RBMS3: variants seen among roughly 807,000 people sequenced by gnomAD.
RBMS3 encodes RNA binding motif single stranded interacting protein 3, also known as RNA-binding motif, single-stranded-interacting protein 3.
In RBMS3, 27 loss-of-function variants were observed where a neutral mutation model predicts 66.8. The observed-to-expected ratio is 0.40, with a 90% CI of 0.30 to 0.56. The LOEUF is 0.56. Among genes scored for constraint, RBMS3 ranks in the 20% least tolerant of loss-of-function variants. The pLI is 0.40. For missense variants in RBMS3, 513 were observed against 549.5 expected (o/e 0.93, Z 0.66); for synonymous variants, 188 against 183.0 (o/e 1.03, Z -0.22).
At chr3:29,384,192 C>T (rs1280534477) in intron 1 of RBMS3, among the ~76,000 whole-genome samples, 1 of 151,766 alleles carries the variant, frequency 6.6e-6, no homozygotes, top group Non-Finnish European at 1.5e-5. Flanking sequence ...GAGATGTGCC[C>T]ATAGTCTCAA....
chr3:29,622,497 T>G (rs1462245268), intron 4 of RBMS3, among the ~76,000 whole-genome samples: 1 of 152,222 alleles, frequency 6.6e-6, no homozygotes, highest in Non-Finnish European at 1.5e-5. Flanking sequence ...AGAGACAGCC[T>G]TACATAATAT....
At chr3:29,360,336 T>C (rs1242218919) in intron 1 of RBMS3, among the ~76,000 whole-genome samples, 1 of 152,048 alleles carries the variant, frequency 6.6e-6, no homozygotes, top group African/African-American at 2.4e-5. Context: ...GGTTGTTCAG[T>C]TTCCATGTAG....
chr3:29,719,376 T>C (rs1228756891), intron 4 of RBMS3, among the ~76,000 whole-genome samples: 1 of 152,192 alleles, frequency 6.6e-6, no homozygotes, highest in African/African-American at 2.4e-5. Flanking sequence ...TCAGGTGCCT[T>C]GGCCATAGGT....
At chr3:29,744,442 A>G (rs141247959) in intron 5 of RBMS3, among the ~76,000 whole-genome samples, 6 of 152,298 alleles carry the variant, frequency 3.9e-5, no homozygotes, top group South Asian at 2.1e-4. Flanking sequence ...GTATTAGCTC[A>G]CAAATTGTTT....
intron 4 of RBMS3, among the ~76,000 whole-genome samples, chr3:29,601,568 T>C (rs1420199311): frequency 6.6e-6 from 1 of 151,960 alleles, no homozygotes; most frequent in Non-Finnish European, 1.5e-5. Flanking sequence ...ATTCTAAAAA[T>C]TAAAGGACTT....
chr3:29,379,174 C>T (rs2038641184), intron 1 of RBMS3, among the ~76,000 whole-genome samples: 1 of 152,170 alleles, frequency 6.6e-6, no homozygotes. Context: ...GTGCAAGTCA[C>T]ATTTTATAAG....
chr3:29,380,174 G>T (rs1220087813), intron 1 of RBMS3, among the ~76,000 whole-genome samples: 1 of 150,756 alleles, frequency 6.6e-6, no homozygotes, highest in Non-Finnish European at 1.5e-5. Flanking sequence ...AGAATATAAA[G>T]AATAGTGAGA....
chr3:29,364,482 TAAG>T (rs1014297812), intron 1 of RBMS3, among the ~76,000 whole-genome samples: 5 of 152,170 alleles, frequency 3.3e-5, no homozygotes, highest in African/African-American at 1.2e-4. Context: ...AATAAGTATT[TAAG>T]AAGACAACCT....
chr3:29,969,463 T>A (rs1697081402), intron 12 of RBMS3, among the ~76,000 whole-genome samples: 1 of 152,206 alleles, frequency 6.6e-6, no homozygotes, highest in Non-Finnish European at 1.5e-5. Flanking sequence ...TTTATATTCA[T>A]TTGCATTTGT....
intron 1 of RBMS3, among the ~76,000 whole-genome samples, chr3:29,354,955 A>AT (rs1467774426): frequency 6.6e-6 from 1 of 152,040 alleles, no homozygotes; most frequent in African/African-American, 2.4e-5. Flanking sequence ...TATCCATTTC[A>AT]TTTTCAGGTG....
chr3:29,402,281 C>A (rs2039845229), intron 1 of RBMS3, among the ~76,000 whole-genome samples: 1 of 152,022 alleles, frequency 6.6e-6, no homozygotes, highest in Non-Finnish European at 1.5e-5. Context: ...ACCAGGAATT[C>A]AAGGTAGTAC....
intron 4 of RBMS3, chr3:29,730,794 C>A (rs767153110): frequency 1.3e-4 from 113 of 895,166 alleles, no homozygotes; most frequent in Middle Eastern, 1.1e-3. Context: ...ACCACGAGTA[C>A]AAAACAATAT....
intron 6 of RBMS3, among the ~76,000 whole-genome samples, chr3:29,818,723 A>G (rs967547704): frequency 6.6e-6 from 1 of 152,166 alleles, no homozygotes; most frequent in Non-Finnish European, 1.5e-5. Flanking sequence ...CAAGCATCCC[A>G]TTTTATTAGT....
chr3:29,866,077 T>TAAAAAAAAAAA (rs35591949), intron 6 of RBMS3, among the ~76,000 whole-genome samples: 27 of 105,578 alleles, frequency 2.6e-4, no homozygotes, highest in East Asian at 1.7e-3. Context: ...CACCAAATAC[T>TAAAAAAAAAAA]AAAAAAAAAA....
chr3:29,991,628 A>C (rs1435751461), intron 14 of RBMS3: 1 of 156,090 alleles, frequency 6.4e-6, no homozygotes, highest in East Asian at 1.9e-4. Flanking sequence ...TCATTAGCCA[A>C]AGCAAGTCAC....
intron 7 of RBMS3, among the ~76,000 whole-genome samples, chr3:29,883,132 G>A (rs1340164979): frequency 6.6e-6 from 1 of 152,070 alleles, no homozygotes; most frequent in African/African-American, 2.4e-5. Flanking sequence ...AGCATTGTAA[G>A]TATTAACCAT....
chr3:29,979,501 T>C (rs1417255786), intron 12 of RBMS3, among the ~76,000 whole-genome samples: 1 of 152,190 alleles, frequency 6.6e-6, no homozygotes, highest in East Asian at 1.9e-4. Flanking sequence ...GTTTGTTACA[T>C]AGGTATACAC....
intron 2 of RBMS3, among the ~76,000 whole-genome samples, chr3:29,483,309 CAAAAAAA>C (rs72225547): frequency 5.8e-4 from 44 of 75,618 alleles, no homozygotes; most frequent in Non-Finnish European, 1.2e-3. Flanking sequence ...TTCGTCTTAA[CAAAAAAA>C]AAAAAAAAAG....
chr3:29,666,062 G>A (rs1175440014), intron 4 of RBMS3, among the ~76,000 whole-genome samples: 2 of 151,964 alleles, frequency 1.3e-5, no homozygotes, highest in African/African-American at 2.4e-5. Context: ...TCCAAGGCAC[G>A]TTGTCATATA....
Sources: allele counts gnomAD v4.1 joint callset (sites outside exome capture counted in the v4.1 genomes callset), GRCh38; gene constraint gnomAD v4.1.1; transcripts MANE v1.5; gene names NCBI Gene and HGNC (gene_info 2026-07-23, HGNC 2026-07-21).